Variants in CASP14 observed in about 807,000 individuals in gnomAD.
CASP14 encodes caspase 14.
Under a neutral mutation model 28.4 loss-of-function variants are expected in CASP14, and 27 were observed. The observed-to-expected ratio is 0.95, with a 90% confidence interval of 0.70 to 1.31. The LOEUF (loss-of-function observed/expected upper bound fraction) is 1.31, where lower values mean the gene tolerates loss of function less well. CASP14 is among the 50% of genes most tolerant of loss of function. CASP14 has a pLI of 0.00. For missense variants in CASP14, 323 were observed against 312.8 expected, an observed-to-expected ratio of 1.03 and a Z score of -0.25; for synonymous variants, 115 against 118.6, an observed-to-expected ratio of 0.97 and a Z score of 0.20.
intron 1 of CASP14, among the ~76,000 whole-genome samples, 184 bp from the exon 2 acceptor site, chr19:15,052,022 A>T (rs1249058852): frequency 6.6e-6 from 1 of 152,144 alleles, no homozygotes; most frequent in African/African-American, 2.4e-5. Flanking sequence ...TGAAATTGTC[A>T]TTCTAGGGGT....
At chr19:15,055,097 G>A in intron 4 of CASP14, 61 bp from the exon 5 acceptor site, 1 of 1,347,742 alleles carries the variant, frequency 7.4e-7, no homozygotes. Flanking sequence ...GAGCCACCCT[G>A]CCCAGCCCCT....
chr19:15,057,736 T>A lies in CASP14; in HGVS notation c.*1647T>A, dbSNP rs1319632103. 6.6e-6 allele frequency: 1 copy of A among 151,754 alleles called. No individual in the cohort carries two copies. The highest frequency in any genetic ancestry group is 1.5e-5 in the Non-Finnish European group (1 of 68,054). 9.4% of individuals were successfully genotyped at this position (151,754 alleles called of 1,614,324 possible). On this transcript the variant is annotated 3_prime_UTR_variant, in exon 7 of 7. Coordinates refer to ENST00000427043, the MANE Select transcript of CASP14 (RefSeq NM_012114.3). Reference sequence around the variant, plus strand: ...AGACCCTGTCTCTAAAAAAAAAAATTAATTAACTGGGTATGGTGGCACATG... The same window carrying A: ...AGACCCTGTCTCTAAAAAAAAAAATAAATTAACTGGGTATGGTGGCACATG...
intron 4 of CASP14, 51 bp downstream of exon 4, chr19:15,054,009 G>C: frequency 6.7e-7 from 1 of 1,499,328 alleles, no homozygotes; most frequent in Non-Finnish European, 9.1e-7. Flanking sequence ...TTTCTGTTTT[G>C]TTTTTTGAGA....
At position 15,055,251 on chromosome 19, in the gene CASP14, T is replaced by C. The variant is rs1410306562; in HGVS notation, c.497T>C (p.Leu166Ser). The C allele has an allele frequency of 6.2e-7, 1 of 1,613,840 alleles. No individual in the cohort carries two copies. The highest frequency in any genetic ancestry group is 8.5e-7 in the Non-Finnish European group (1 of 1,179,914). ...PQTIPTYTDA[L>S]HVYSTVEGYI... ...ACCATCCCAACATACACAGATGCCT[T>C]GCACGTTTATTCCACGGTAGAGGGT... The change falls in exon 5 of 7, where the codon TTG becomes TCG. Residue 166 changes from leucine to serine, a missense_variant. Coordinates refer to ENST00000427043, the MANE Select transcript of CASP14 (RefSeq NM_012114.3).
intron 1 of CASP14, among the ~76,000 whole-genome samples, chr19:15,050,775 T>C (rs1204766685): frequency 1.3e-5 from 2 of 151,498 alleles, no homozygotes; most frequent in East Asian, 3.9e-4. Context: ...AATGGGTATA[T>C]GGGATGACTG....
Position 15,056,227 on chromosome 19 carries a change from C to T in CASP14, c.*138C>T. ...CCAGTTTCTTTTCCATCACACCCTT[C>T]ATGCAGGTCCTCCTGTCCTTATTAG... is the stretch of plus-strand genomic sequence containing the variant. On this transcript the variant is annotated 3_prime_UTR_variant, in exon 7 of 7. Coordinates refer to ENST00000427043, the MANE Select transcript of CASP14 (RefSeq NM_012114.3). 1.5e-6 allele frequency: 1 copy of T among 653,180 alleles called. No homozygotes were observed. Among genetic ancestry groups the T allele is most frequent in the Non-Finnish European group, 2.7e-6 (1 of 367,086 alleles). 40.5% of individuals were successfully genotyped at this position (653,180 alleles called of 1,614,324 possible).
intron 1 of CASP14, among the ~76,000 whole-genome samples, chr19:15,051,529 G>C (rs1322502996): frequency 2.5e-5 from 3 of 118,576 alleles, no homozygotes; most frequent in Admixed American, 8.3e-5. Flanking sequence ...AAAGCAAAAA[G>C]CATTCCCTAC....
rs770064150 is a variant in CASP14, at chr19:15,053,894, C to G, written c.339C>G (p.Asn113Lys). 2 of 1,614,120 alleles carry G rather than the reference C, an allele frequency of 1.2e-6. No homozygotes were observed. Among genetic ancestry groups the G allele is most frequent in the East Asian group, 4.5e-5 (2 of 44,870 alleles). The change falls in exon 4 of 7, where the codon AAC (asparagine) becomes AAG (lysine). Residue 113 changes from asparagine (N) to lysine (K), a missense_variant. Asn to Lys is a moderately conservative substitution (Grantham distance 94, BLOSUM62 0). Coordinates refer to ENST00000427043, the MANE Select transcript of CASP14 (RefSeq NM_012114.3). ...TGGAGAATCTCTTCGAGGCCCTGAA[C>G]AACAAGAACTGCCAGGCCCTGCGAG... The part of the protein sequence containing the change: ...VKLENLFEAL[N>K]NKNCQALRAK...
At chr19:15,054,970 C>T (rs1360444043) in intron 4 of CASP14, 188 bp from the exon 5 acceptor site, 3 of 573,270 alleles carry the variant, frequency 5.2e-6, no homozygotes, top group Non-Finnish European at 9.4e-6. Flanking sequence ...GGCGACATCT[C>T]GCTCTGTCTC....
At position 15,054,962 on chromosome 19, in the gene CASP14, C is replaced by T. The variant is rs1007527170; in HGVS notation, c.404-196C>T. 76 of 554,072 alleles carry T rather than the reference C, an allele frequency of 1.4e-4. No homozygotes were observed. The Middle Eastern group carries it at 1.5e-3, about 11-fold the overall frequency. 34.3% of individuals were successfully genotyped at this position (554,072 alleles called of 1,614,324 possible). A position where few individuals can be genotyped will look rare whatever the true frequency, so the allele number is the denominator to read the frequency against. The stretch of plus-strand genomic sequence containing the variant: ...AGCCCTTACCTTTCTTTTTAAGAGG[C>T]GACATCTCGCTCTGTCTCCCAGGCT... On this transcript the variant is annotated intron_variant, in intron 4 of 6. Coordinates refer to ENST00000427043, the MANE Select transcript of CASP14 (RefSeq NM_012114.3).
rs1199958379 is a variant in CASP14 at position 15,056,875 on chromosome 19, C to G, written c.*786C>G. On this transcript the variant is annotated 3_prime_UTR_variant, in exon 7 of 7. Transcript: ENST00000427043. ...TTTTGCAGACAACATAATATTTAAC[C>G]TCTCATAACCAGAGAGGTTAAATAA... 2 of 149,656 alleles carry G rather than the reference C, an allele frequency of 1.3e-5. No individual in the cohort carries two copies. Among genetic ancestry groups the G allele is most frequent in the Non-Finnish European group, 3.0e-5 (2 of 66,274 alleles). 9.3% of individuals were successfully genotyped at this position (149,656 alleles called of 1,614,324 possible). A position where few individuals can be genotyped will look rare whatever the true frequency, so the allele number is the denominator to read the frequency against.
At chr19:15,055,408 C>A (rs537815880) in intron 5 of CASP14, 22 bp from the exon 6 acceptor site, 1 of 1,609,764 alleles carries the variant, frequency 6.2e-7, no homozygotes, top group South Asian at 1.1e-5. Context: ...CTCCCCCGAA[C>A]CCACCTCTCT....
chr19:15,055,172 G>C lies in CASP14; in HGVS notation c.418G>C (p.Gly140Arg). The stretch of plus-strand genomic sequence containing the variant: ...TGTTGTTTCAGAACAAAGGGACCCC[G>C]GTGAAACAGTAGGTGGAGATGAGAT... Reference protein sequence around the residue: ...QACRGEQRDPGETVGGDEIVM... With the variant: ...QACRGEQRDPRETVGGDEIVM... Residue 140 changes from glycine to arginine, a missense_variant, in exon 5 of 7, where the codon GGT becomes CGT. Physicochemically the swap from Gly to Arg is moderately radical, Grantham distance 125. Transcript: ENST00000427043. The C allele has an allele frequency of 6.2e-7, 1 of 1,613,844 alleles. No individual in the cohort carries two copies. Among genetic ancestry groups the C allele is most frequent in the South Asian group, 1.1e-5 (1 of 91,060 alleles).
Position 15,053,805 on chromosome 19 carries a change from G to T in CASP14, c.250G>T (p.Val84Leu). ...GGAAGATCCCGTCAGTTGTGCCTTCGTGGTACTCATGGCTCACGGGAGGGA... is the reference window on the plus strand; with the variant it reads ...GGAAGATCCCGTCAGTTGTGCCTTCTTGGTACTCATGGCTCACGGGAGGGA... The part of the protein sequence containing the change: ...SREDPVSCAF[V>L]VLMAHGREGF... The change falls in exon 4 of 7, where the codon GTG (valine) becomes TTG (leucine). Residue 84 changes from valine (V) to leucine (L), a missense_variant. Transcript: ENST00000427043. 6.2e-7 allele frequency: 1 copy of T among 1,614,116 alleles called. No individual in the cohort carries two copies. The highest frequency in any genetic ancestry group is 1.1e-5 in the South Asian group (1 of 91,074).
intron 6 of CASP14, 101 bp from the exon 7 acceptor site, chr19:15,055,884 C>T: frequency 1.2e-6 from 1 of 854,172 alleles, no homozygotes; most frequent in South Asian, 1.5e-5. Flanking sequence ...ACAACGGTCT[C>T]TCATCTTAGG....
At chr19:15,055,607 C>T in intron 6 of CASP14, 74 bp downstream of exon 6, 1 of 965,684 alleles carries the variant, frequency 1.0e-6, no homozygotes, top group Non-Finnish European at 1.6e-6. Context: ...TGAGCCTCCT[C>T]CTAACCCCTC....
In CASP14 at chr19:15,055,404, C is replaced by G. The variant is rs373778079; in HGVS notation, c.521-26C>G. 206 of 1,608,314 alleles carry G rather than the reference C, an allele frequency of 1.3e-4. 1 individual carries two copies. The African/African-American group carries it at 2.5e-3, about 20-fold the overall frequency. Reference sequence around the variant, plus strand: ...CTCTACCTACCCTCTGAAGCTCCCCCGAACCCACCTCTCTGGAATTCCCAG... The same window carrying G: ...CTCTACCTACCCTCTGAAGCTCCCCGGAACCCACCTCTCTGGAATTCCCAG... On this transcript the variant is annotated intron_variant, in intron 5 of 6. Coordinates refer to ENST00000427043, the MANE Select transcript of CASP14 (RefSeq NM_012114.3).
chr19:15,050,626 T>G (rs2046086034), intron 1 of CASP14, among the ~76,000 whole-genome samples: 1 of 150,820 alleles, frequency 6.6e-6, no homozygotes, highest in South Asian at 2.1e-4. Context: ...AGTTGGAAGA[T>G]AGAATAGATG....
Position 15,058,226 on chromosome 19 carries a change from T to C in CASP14, c.*2137T>C, listed in dbSNP as rs2046126681. The C allele has an allele frequency of 6.6e-6, 1 of 152,204 alleles. No individual in the cohort carries two copies. The highest frequency in any genetic ancestry group is 1.5e-5 in the Non-Finnish European group (1 of 68,054). The allele number at this position is 152,204 out of a possible 1,614,324, so 9.4% of individuals were successfully genotyped here. A position where few individuals can be genotyped will look rare whatever the true frequency, so the allele number is the denominator to read the frequency against. ...ATTAGATGCTGGAAATGACCACTTCTGGAGGGCAGGGAACAAGCCCTTAAT... is the reference window on the plus strand; with the variant it reads ...ATTAGATGCTGGAAATGACCACTTCCGGAGGGCAGGGAACAAGCCCTTAAT... On this transcript the variant is annotated 3_prime_UTR_variant, in exon 7 of 7. Coordinates refer to ENST00000427043, the MANE Select transcript of CASP14 (RefSeq NM_012114.3).
Sources: gnomAD v4.1 joint callset for allele counts (sites outside exome capture counted in the v4.1 genomes callset) on GRCh38, gnomAD v4.1.1 for gene constraint, MANE v1.5 for transcripts, NCBI Gene and HGNC (gene_info 2026-07-23, HGNC 2026-07-21) for gene names.